The following KAZN variants were observed in gnomAD, a reference collection of about 807,000 sequenced individuals.
The protein encoded by KAZN is kazrin.
A neutral mutation model predicts 87.4 loss-of-function variants in KAZN; 40 were observed. That is an observed-to-expected ratio of 0.46 (90% CI 0.36 to 0.60). The LOEUF is 0.60. Among genes scored for constraint, KAZN ranks in the 20% least tolerant of loss-of-function variants. The pLI, the probability that KAZN is intolerant of heterozygous loss-of-function variation, is 0.00. For synonymous variants in KAZN, 466 were observed against 458.3 expected (o/e 1.02, Z -0.22); for missense variants, 898 against 1,073.9 (o/e 0.84, Z 2.29).
intron 2 of KAZN, among the ~76,000 whole-genome samples, chr1:14,419,175 T>A (rs549682917): frequency 1.3e-5 from 2 of 152,334 alleles, no homozygotes; most frequent in African/African-American, 4.8e-5. Flanking sequence ...GTAATAAATA[T>A]ACCTTATACA....
intron 5 of KAZN, among the ~76,000 whole-genome samples, chr1:15,057,178 G>A (rs901826714): frequency 6.6e-6 from 1 of 152,234 alleles, no homozygotes; most frequent in South Asian, 2.1e-4. Context: ...TCATTGGGAC[G>A]AAGGGGCATA....
intron 1 of KAZN, among the ~76,000 whole-genome samples, chr1:14,871,649 AGTGTGTGTGTGT>A (rs3033520): frequency 1.4e-5 from 2 of 144,550 alleles, no homozygotes; most frequent in Admixed American, 1.4e-4. Context: ...CATGAGCAGC[AGTGTGTGTGTGT>A]GTGTGTGTGT....
chr1:14,747,449 C>A (rs189141350), intron 1 of KAZN, among the ~76,000 whole-genome samples: 6 of 152,178 alleles, frequency 3.9e-5, no homozygotes, highest in Admixed American at 3.3e-4. Context: ...CCTAGTTTTT[C>A]TATTTTCAAT....
chr1:14,255,884 T>C (rs796823955), intron 2 of KAZN, among the ~76,000 whole-genome samples: 1 of 152,200 alleles, frequency 6.6e-6, no homozygotes, highest in Non-Finnish European at 1.5e-5. Flanking sequence ...CTCCAAAGTG[T>C]GCACTGCTGT....
chr1:15,091,008 T>C (rs1039597443), intron 8 of KAZN, among the ~76,000 whole-genome samples: 12 of 152,116 alleles, frequency 7.9e-5, no homozygotes, highest in African/African-American at 2.9e-4. Context: ...GGTTTGTAAC[T>C]TGAAAAAGTG....
chr1:14,721,981 C>T (rs143562116), intron 1 of KAZN, among the ~76,000 whole-genome samples: 184 of 151,930 alleles, frequency 1.2e-3, no homozygotes, highest in African/African-American at 4.2e-3. Context: ...TGGTGAAACC[C>T]CCTTCTCTAC....
intron 6 of KAZN, 65 bp from the exon 7 acceptor site, chr1:15,063,507 C>A: frequency 1.4e-6 from 2 of 1,416,840 alleles, no homozygotes; most frequent in Non-Finnish European, 2.0e-6. Flanking sequence ...ACCGCACGGG[C>A]CGCCTCTGCT....
intron 2 of KAZN, among the ~76,000 whole-genome samples, chr1:14,356,661 A>C (rs1659053753): frequency 6.6e-6 from 1 of 152,134 alleles, no homozygotes; most frequent in African/African-American, 2.4e-5. Context: ...CAGTTTTCCC[A>C]ACACCATTTA....
intron 1 of KAZN, among the ~76,000 whole-genome samples, chr1:14,050,504 A>G (rs937502488): frequency 1.3e-5 from 2 of 152,222 alleles, no homozygotes; most frequent in African/African-American, 4.8e-5. Flanking sequence ...AGCAGTTGGG[A>G]GAGAATATGT....
intron 2 of KAZN, among the ~76,000 whole-genome samples, chr1:14,248,507 A>G (rs1383762482): frequency 6.6e-6 from 1 of 152,240 alleles, no homozygotes; most frequent in Non-Finnish European, 1.5e-5. Context: ...CCACAGAGCA[A>G]AGCTGCTCCT....
At chr1:14,531,918 G>A (rs1210682306) in intron 2 of KAZN, among the ~76,000 whole-genome samples, 1 of 152,114 alleles carries the variant, frequency 6.6e-6, no homozygotes. Flanking sequence ...GCCTCCCCGC[G>A]GGAGAGAGGA....
chr1:14,797,000 C>T (rs1271739796), intron 1 of KAZN, among the ~76,000 whole-genome samples: 1 of 152,136 alleles, frequency 6.6e-6, no homozygotes, highest in Non-Finnish European at 1.5e-5. Context: ...CATTTGGTGG[C>T]CACTTAGGTA....
intron 2 of KAZN, among the ~76,000 whole-genome samples, chr1:14,417,856 C>T (rs1470897490): frequency 2.0e-5 from 3 of 151,292 alleles, no homozygotes; most frequent in South Asian, 2.1e-4. Flanking sequence ...ATTAGCCGGG[C>T]GTGGTGGCAG....
chr1:15,087,975 G>T (rs550226433), intron 8 of KAZN, among the ~76,000 whole-genome samples: 1 of 152,222 alleles, frequency 6.6e-6, no homozygotes, highest in Non-Finnish European at 1.5e-5. Context: ...AAACGCTTCC[G>T]TGAGATCTTT....
chr1:14,738,923 AGCACG>A (rs1489741323), intron 1 of KAZN, among the ~76,000 whole-genome samples: 1 of 152,202 alleles, frequency 6.6e-6, no homozygotes, highest in Admixed American at 6.5e-5. Context: ...CTGTAATCCC[AGCACG>A]GTGGGAGGCC....
intron 2 of KAZN, among the ~76,000 whole-genome samples, chr1:14,225,545 A>G (rs1187128952): frequency 6.6e-6 from 1 of 152,198 alleles, no homozygotes; most frequent in Non-Finnish European, 1.5e-5. Context: ...ATTCATTTGA[A>G]ACAAAAAAAT....
At chr1:15,108,133 A>G (rs1299454850) in intron 13 of KAZN, among the ~76,000 whole-genome samples, 2 of 152,194 alleles carry the variant, frequency 1.3e-5, no homozygotes, top group Non-Finnish European at 2.9e-5. Context: ...AAACACATAG[A>G]ATGAGAGAAC....
chr1:14,201,330 G>T (rs185665605), intron 2 of KAZN, among the ~76,000 whole-genome samples: 108 of 152,262 alleles, frequency 7.1e-4, no homozygotes, highest in Non-Finnish European at 7.4e-5. Context: ...TTTATCAGTT[G>T]ATATTAGTAG....
At chr1:14,566,381 G>C (rs1375553794) in intron 2 of KAZN, among the ~76,000 whole-genome samples, 1 of 152,110 alleles carries the variant, frequency 6.6e-6, no homozygotes, top group African/African-American at 2.4e-5. Flanking sequence ...TGTCATTCAG[G>C]CTTTGGTGTT....
Sources: allele counts gnomAD v4.1 joint callset (sites outside exome capture counted in the v4.1 genomes callset), GRCh38; gene constraint gnomAD v4.1.1; transcripts MANE v1.5; gene names NCBI Gene and HGNC (gene_info 2026-07-23, HGNC 2026-07-21).